RFX6: variants seen among roughly 807,000 people sequenced by gnomAD.
RFX6 encodes the protein DNA-binding protein RFX6.
RFX6 carries 50 observed loss-of-function variants against 110.8 expected under a neutral mutation model. The ratio of observed to expected loss-of-function variants is 0.45; its 90% CI spans 0.36 to 0.57. The LOEUF is 0.57. RFX6 is among the 20% of genes least tolerant of loss of function. The pLI, the probability that RFX6 is intolerant of heterozygous loss-of-function variation, is 0.00. For synonymous variants in RFX6, 383 were observed against 411.2 expected (o/e 0.93, Z 0.83); for missense variants, 990 against 1,127.0 (o/e 0.88, Z 1.74).
intron 4 of RFX6, among the ~76,000 whole-genome samples, chr6:116,886,923 CGTG>C (rs1554194813): frequency 1.3e-5 from 2 of 151,760 alleles, no homozygotes; most frequent in Non-Finnish European, 2.9e-5. Flanking sequence ...ATTAGCTGGG[CGTG>C]GTGGTGCGCA....
chr6:116,916,328 G>GA lies in RFX6; in HGVS notation c.972+15dup. 6.8e-7 allele frequency: 1 copy of GA among 1,472,142 alleles called. No individual in the cohort carries two copies. The highest frequency in any genetic ancestry group is 9.5e-7 in the Non-Finnish European group (1 of 1,052,182). 91.2% of individuals were successfully genotyped at this position (1,472,142 alleles called of 1,614,324 possible). Reference sequence around the variant, plus strand: ...ATTCTTTATAAGGTAAGCACTTTGGGATGTCTTAAACATGAGCCATTTATT... The same window carrying GA: ...ATTCTTTATAAGGTAAGCACTTTGGGAATGTCTTAAACATGAGCCATTTATT... On this transcript the variant is annotated intron_variant, in intron 9 of 18. Coordinates refer to ENST00000332958, the MANE Select transcript of RFX6 (RefSeq NM_173560.4).
At chr6:116,880,249 G>C (rs1235187729) in intron 2 of RFX6, among the ~76,000 whole-genome samples, 1 of 152,022 alleles carries the variant, frequency 6.6e-6, no homozygotes, top group African/African-American at 2.4e-5. Context: ...AGCAAATCAT[G>C]ATGAACCATG....
chr6:116,930,433 G>T (rs1190539294), intron 18 of RFX6, among the ~76,000 whole-genome samples: 1 of 152,180 alleles, frequency 6.6e-6, no homozygotes, highest in African/African-American at 2.4e-5. Context: ...TCAGGCCATA[G>T]TTCTTGCCTG....
At chr6:116,877,760 CT>C in intron 1 of RFX6, 35 bp from the exon 2 acceptor site, 1 of 1,520,178 alleles carries the variant, frequency 6.6e-7, no homozygotes, top group African/African-American at 1.4e-5. Context: ...ATTTTATATT[CT>C]ATTTTTCTTT....
chr6:116,920,336 G>T lies in RFX6; in HGVS notation c.1209G>T (p.Gln403His), dbSNP rs1315530381. The T allele has an allele frequency of 6.2e-7, 1 of 1,611,968 alleles. No homozygotes were observed. Among genetic ancestry groups the T allele is most frequent in the Non-Finnish European group, 8.5e-7 (1 of 1,178,094 alleles). ...AQIARPALFDQHVVNSMVSDI... is the reference protein window; with the variant it reads ...AQIARPALFDHHVVNSMVSDI... Reference sequence around the variant, plus strand: ...TTGCCAGACCAGCTCTCTTTGACCAGCATGTCGTTAATTCTATGGTGTCTG... The same window carrying T: ...TTGCCAGACCAGCTCTCTTTGACCATCATGTCGTTAATTCTATGGTGTCTG... Residue 403 changes from glutamine (Q) to histidine (H), a missense_variant, in exon 12 of 19, where the codon CAG becomes CAT. Transcript: ENST00000332958.
intron 6 of RFX6, among the ~76,000 whole-genome samples, chr6:116,900,429 G>A (rs149307599): frequency 0.051 from 7,740 of 151,888 alleles, 635 homozygotes; most frequent in African/African-American, 0.18. Flanking sequence ...TAATTTTTGT[G>A]TTTTTAGTAG....
Position 116,894,039 on chromosome 6 carries a change from G to C in RFX6, c.619G>C (p.Val207Leu). The change falls in exon 5 of 19, where the codon GTT becomes CTT. Residue 207 changes from valine to leucine, a missense_variant. Transcript: ENST00000332958. Reference sequence around the variant, plus strand: ...AGAGAGCAGTGCATATTACCACTCCGTTTATTCTGGAAAGGGCTTGACAAG... The same window carrying C: ...AGAGAGCAGTGCATATTACCACTCCCTTTATTCTGGAAAGGGCTTGACAAG... Reference protein sequence around the residue: ...IKESSAYYHSVYSGKGLTRFS... With the variant: ...IKESSAYYHSLYSGKGLTRFS... 6.3e-7 allele frequency: 1 copy of C among 1,598,226 alleles called. No homozygotes were observed. Among genetic ancestry groups the C allele is most frequent in the African/African-American group, 1.3e-5 (1 of 74,678 alleles).
chr6:116,927,059 C>T lies in RFX6; in HGVS notation c.1918C>T (p.Leu640=). Residue 640 remains leucine, a synonymous_variant, in exon 17 of 19, where the codon CTG becomes TTG. Transcript: ENST00000332958. ...GGAGCTTTCACAGATTGCTGGTCATCTGATGACACCACCCATTTCTCCAGC... is the reference window on the plus strand; with the variant it reads ...GGAGCTTTCACAGATTGCTGGTCATTTGATGACACCACCCATTTCTCCAGC... ...QMELSQIAGH[L]MTPPISPAMA... is the part of the protein sequence containing the mutation. 6.2e-7 allele frequency: 1 copy of T among 1,614,062 alleles called. No individual in the cohort carries two copies.
At chr6:116,904,926 T>C (rs560058258) in intron 6 of RFX6, among the ~76,000 whole-genome samples, 2 of 152,254 alleles carry the variant, frequency 1.3e-5, no homozygotes, top group Non-Finnish European at 2.9e-5. Context: ...CATCTGTCGA[T>C]GGACAAGTGG....
At chr6:116,923,272 T>G in intron 14 of RFX6, 48 bp downstream of exon 14, 1 of 901,464 alleles carries the variant, frequency 1.1e-6, no homozygotes, top group Non-Finnish European at 1.9e-6. Context: ...TTATATAATT[T>G]GTTCCTCAGT....
rs1213617299 is a variant in RFX6, at chr6:116,880,401, AT to A, written c.381-142del. The A allele has an allele frequency of 4.2e-6, 3 of 721,736 alleles. No individual in the cohort carries two copies. The African/African-American group carries it at 5.4e-5, about 13-fold the overall frequency. 44.7% of individuals were successfully genotyped at this position (721,736 alleles called of 1,614,324 possible). On this transcript the variant is annotated intron_variant, in intron 2 of 18. Transcript: ENST00000332958. ...ATCCTTATAATTTGATTTTTAAAAA[AT>A]ATCCAGAATAAACGAAGTCTACTTA...
At chr6:116,905,556 C>CTT (rs34779403) in intron 6 of RFX6, among the ~76,000 whole-genome samples, 6 of 141,108 alleles carry the variant, frequency 4.3e-5, no homozygotes, top group Admixed American at 7.1e-5. Context: ...AAAAGTGTTT[C>CTT]TTTTTTTTTT....
At chr6:116,904,824 A>G (rs755050536) in intron 6 of RFX6, among the ~76,000 whole-genome samples, 1 of 152,234 alleles carries the variant, frequency 6.6e-6, no homozygotes, top group Non-Finnish European at 1.5e-5. Flanking sequence ...AGGTTCATCC[A>G]TGTTGTAGCA....
chr6:116,928,161 A>T (rs140424185), intron 17 of RFX6, among the ~76,000 whole-genome samples: 6 of 152,296 alleles, frequency 3.9e-5, no homozygotes, highest in African/African-American at 1.4e-4. Context: ...GTCTTTTGAA[A>T]ACATTTTTAG....
intron 12 of RFX6, among the ~76,000 whole-genome samples, chr6:116,921,040 A>C (rs1483754297): frequency 2.0e-5 from 3 of 152,186 alleles, no homozygotes; most frequent in African/African-American, 7.2e-5. Context: ...TTACCAAGCC[A>C]ATATGCATGG....
rs151295933 is a variant in RFX6, at chr6:116,893,054, G to A, written c.567-933G>A. Among the ~76,000 whole-genome samples the A allele has an allele frequency of 8.4e-4, 128 of 152,214 alleles. 2 individuals are homozygous for A. Among genetic ancestry groups the A allele is most frequent in the Admixed American group, 8.1e-3 (123 of 15,270 alleles). ...CGTTTTAAAATATAATTAGGCTGATGTCCACTGGAAATCCCCTCATTCTCT... is the reference window on the plus strand; with the variant it reads ...CGTTTTAAAATATAATTAGGCTGATATCCACTGGAAATCCCCTCATTCTCT... On this transcript the variant is annotated intron_variant, in intron 4 of 18. Transcript: ENST00000332958.
intron 6 of RFX6, among the ~76,000 whole-genome samples, chr6:116,898,908 T>C (rs170951): frequency 0.81 from 123,062 of 152,114 alleles, 50,003 homozygotes; most frequent in East Asian, 0.89. Context: ...CCCTAAGACA[T>C]CCACTGAATA....
intron 6 of RFX6, among the ~76,000 whole-genome samples, chr6:116,902,210 C>T (rs1481925372): frequency 6.6e-6 from 1 of 151,952 alleles, no homozygotes; most frequent in Non-Finnish European, 1.5e-5. Flanking sequence ...GCCCAGAACA[C>T]TATTTCTTGT....
intron 4 of RFX6, among the ~76,000 whole-genome samples, chr6:116,883,570 T>C (rs1774638338): frequency 6.6e-6 from 1 of 152,206 alleles, no homozygotes; most frequent in South Asian, 2.1e-4. Flanking sequence ...ATGGAATCAA[T>C]ATAAAAATTA....
Sources: allele counts gnomAD v4.1 joint callset (sites outside exome capture counted in the v4.1 genomes callset), GRCh38; gene constraint gnomAD v4.1.1; transcripts MANE v1.5; gene names NCBI Gene and HGNC (gene_info 2026-07-23, HGNC 2026-07-21).